Variants in GPC1 observed in about 807,000 individuals in gnomAD.
GPC1 encodes glypican 1.
Under a neutral mutation model 51.5 loss-of-function variants are expected in GPC1, and 26 were observed. That is an observed-to-expected ratio of 0.50 (90% CI 0.37 to 0.70). The LOEUF is 0.70. Ranked by LOEUF, GPC1 falls within the 30% of genes least tolerant of loss-of-function variation. The probability of loss-of-function intolerance (pLI) is 0.00; values close to 1 mark genes in which losing one functional copy is unlikely to be tolerated. For synonymous variants in GPC1, 380 were observed against 348.3 expected (o/e 1.09, Z -1.01); for missense variants, 775 against 800.5 (o/e 0.97, Z 0.38).
At chr2:240,454,502 G>T (rs2074137556) in intron 1 of GPC1, among the ~76,000 whole-genome samples, 1 of 152,242 alleles carries the variant, frequency 6.6e-6, no homozygotes, top group Non-Finnish European at 1.5e-5. Flanking sequence ...GGCCAGCCAG[G>T]AAGGCCCCGT....
rs1559203799 is a variant in GPC1, at chr2:240,464,934, GC to G, written c.1097del (p.Pro366ArgfsTer42). On this transcript the variant is annotated frameshift_variant, in exon 6 of 9. Coordinates refer to ENST00000264039, the MANE Select transcript of GPC1 (RefSeq NM_002081.3). LOFTEE classifies it high-confidence loss of function. ...GGAGAAGCGGCGCCGGGGCAAGCTG[GC>G]CCCGCGGGAGAGGCCACCTTCAGGC... ...PEEKRRRGKL[A>X]PRERPPSGTL... is the part of the protein sequence containing the mutation. 6.4e-7 allele frequency: 1 copy of G among 1,551,580 alleles called. No homozygotes were observed. The highest frequency in any genetic ancestry group is 8.7e-7 in the Non-Finnish European group (1 of 1,147,776).
rs781148609 is a variant in GPC1, at chr2:240,450,772, C to T, written c.167-8258C>T. ...CAGATTCCCCCCGACATCATTTAGACGTGTGCCTTTATTCAGTACCAGGGT... is the reference window on the plus strand; with the variant it reads ...CAGATTCCCCCCGACATCATTTAGATGTGTGCCTTTATTCAGTACCAGGGT... On this transcript the variant is annotated intron_variant, in intron 1 of 8. Coordinates refer to ENST00000264039, the MANE Select transcript of GPC1 (RefSeq NM_002081.3). 2.1e-4 allele frequency: 100 copies of T among 470,226 alleles called. 2 individuals are homozygous for T. Among genetic ancestry groups the T allele is most frequent in the South Asian group, 1.4e-3 (90 of 64,418 alleles). The allele number at this position is 470,226 out of a possible 1,614,324, so 29.1% of individuals were successfully genotyped here.
rs1228401486 is a variant in GPC1 at position 240,465,112 on chromosome 2, G to C, written c.1170G>C (p.Gln390His). 1 of 1,611,466 alleles carries C rather than the reference G, an allele frequency of 6.2e-7. No individual in the cohort carries two copies. Among genetic ancestry groups the C allele is most frequent in the East Asian group, 2.2e-5 (1 of 44,834 alleles). The change falls in exon 7 of 9, where the codon CAG becomes CAC. Residue 390 changes from glutamine to histidine, a missense_variant. Transcript: ENST00000264039. Reference sequence around the variant, plus strand: ...CCAAGGCCCAGCTCCGCGACGTCCAGGACTTCTGGATCAGCCTCCCAGGGA... The same window carrying C: ...CCAAGGCCCAGCTCCGCGACGTCCACGACTTCTGGATCAGCCTCCCAGGGA... ...SEAKAQLRDV[Q>H]DFWISLPGTL...
chr2:240,461,329 T>G (rs1018862209), intron 2 of GPC1, among the ~76,000 whole-genome samples: 1 of 152,214 alleles, frequency 6.6e-6, no homozygotes, highest in Non-Finnish European at 1.5e-5. Context: ...TCTGCCCTGC[T>G]ACCCTGGAGC....
intron 1 of GPC1, among the ~76,000 whole-genome samples, chr2:240,441,315 G>A (rs2074015281): frequency 1.3e-5 from 2 of 152,274 alleles, no homozygotes; most frequent in South Asian, 4.1e-4. Flanking sequence ...CTAGACAGGA[G>A]ACGAGCCAGG....
At chr2:240,449,469 G>A (rs1302571813) in intron 1 of GPC1, 2 of 190,946 alleles carry the variant, frequency 1.0e-5, no homozygotes, top group South Asian at 1.1e-4. Flanking sequence ...AATGTTGAGA[G>A]TAAATATGCC....
chr2:240,465,580 A>G lies in GPC1; in HGVS notation c.1376A>G (p.Gln459Arg). 6.2e-7 allele frequency: 1 copy of G among 1,613,136 alleles called. No individual in the cohort carries two copies. The highest frequency in any genetic ancestry group is 1.3e-5 in the African/African-American group (1 of 75,076). ...ATGACCATCCGGCAGCAGATCATGC[A>G]GCTGAAGATCATGACCAACCGGCTG... ...PDMTIRQQIM[Q>R]LKIMTNRLRS... Residue 459 changes from glutamine to arginine, a missense_variant, in exon 8 of 9, where the codon CAG becomes CGG. Gln to Arg is a conservative substitution (Grantham distance 43, BLOSUM62 1). Coordinates refer to ENST00000264039, the MANE Select transcript of GPC1 (RefSeq NM_002081.3).
intron 1 of GPC1, chr2:240,451,374 C>T (rs1159219044): frequency 1.7e-5 from 7 of 413,720 alleles, no homozygotes; most frequent in Admixed American, 5.3e-5. Flanking sequence ...ATCTTCCAGG[C>T]CTCCTTGGGT....
At chr2:240,458,839 C>T (rs1025906776) in intron 1 of GPC1, 191 bp from the exon 2 acceptor site, 14 of 579,592 alleles carry the variant, frequency 2.4e-5, no homozygotes, top group East Asian at 1.1e-4. Context: ...GCTACGGGAC[C>T]GAAGCCAGGC....
In GPC1 at chr2:240,450,643, G is replaced by C. The variant is rs76741509; in HGVS notation, c.167-8387G>C. The C allele has an allele frequency of 3.6e-3, 1,674 of 470,758 alleles. 33 individuals carry two copies. The highest frequency in any genetic ancestry group is 0.031 in the African/African-American group (1,538 of 50,206). 29.2% of individuals were successfully genotyped at this position (470,758 alleles called of 1,614,324 possible). On this transcript the variant is annotated intron_variant, in intron 1 of 8. Coordinates refer to ENST00000264039, the MANE Select transcript of GPC1 (RefSeq NM_002081.3). The stretch of plus-strand genomic sequence containing the variant: ...GACCTCCCATTCAGGGGCGTGCCCC[G>C]TCGAGCCCCGTGCTTCCTCTGGGGA...
At chr2:240,446,933 C>A (rs1261135196) in intron 1 of GPC1, among the ~76,000 whole-genome samples, 1 of 152,174 alleles carries the variant, frequency 6.6e-6, no homozygotes, top group Non-Finnish European at 1.5e-5. Context: ...GCATCAGAAT[C>A]CGGGGTGGAC....
At chr2:240,450,682 TGGG>T (rs563795742) in intron 1 of GPC1, 1 of 469,350 alleles carries the variant, frequency 2.1e-6, no homozygotes, top group African/African-American at 2.0e-5. Context: ...GGTGCTGGCT[TGGG>T]GGGGTGTGGC....
In GPC1 at chr2:240,448,098, G is replaced by A. The variant is rs1017836010; in HGVS notation, c.167-10932G>A. On this transcript the variant is annotated intron_variant, in intron 1 of 8. Transcript: ENST00000264039. This position sits in a 1 kb window ranked among gnomAD's most constrained non-coding sequence, Gnocchi z 4.5. ...AGGCGCTCTCGAGCCCGCCTTGAGG[G>A]TGGCAGCTGGTTTTCAGGAAGAGAG... Among the ~76,000 whole-genome samples the A allele has an allele frequency of 2.0e-5, 3 of 152,202 alleles. No individual in the cohort carries two copies. The highest frequency in any genetic ancestry group is 4.8e-5 in the African/African-American group (2 of 41,446).
chr2:240,465,957 C>A, intron 8 of GPC1, 101 bp from the exon 9 acceptor site: 1 of 692,286 alleles, frequency 1.4e-6, no homozygotes, highest in Admixed American at 2.5e-5. Context: ...GATTCCACAC[C>A]GAAAGGATGT....
At position 240,438,369 on chromosome 2, in the gene GPC1, T is replaced by A. The variant is rs146907179; in HGVS notation, c.166+2285T>A. Among the ~76,000 whole-genome samples, 925 of 152,292 alleles carry A rather than the reference T, an allele frequency of 6.1e-3. 11 individuals carry two copies. Among genetic ancestry groups the A allele is most frequent in the African/African-American group, 0.02 (844 of 41,556 alleles). On this transcript the variant is annotated intron_variant, in intron 1 of 8. Transcript: ENST00000264039. ...GGGTGACTCCCTCGGGTCGCAGCAG[T>A]CCTGGGGCAGCCAAGCCCAGTGTCC...
intron 1 of GPC1, 150 bp downstream of exon 1, chr2:240,436,234 C>A: frequency 2.2e-6 from 1 of 451,594 alleles, no homozygotes; most frequent in Non-Finnish European, 3.6e-6. Context: ...TGCGCTGCGG[C>A]TCCTCTGCAA....
intron 1 of GPC1, among the ~76,000 whole-genome samples, chr2:240,438,120 G>T (rs902650360): frequency 1.3e-5 from 2 of 152,202 alleles, no homozygotes; most frequent in African/African-American, 4.8e-5. Context: ...GTCTAACCAC[G>T]GTGCCAGCCA....
chr2:240,460,944 G>C (rs774247450), intron 2 of GPC1, among the ~76,000 whole-genome samples: 2 of 152,164 alleles, frequency 1.3e-5, no homozygotes, highest in Non-Finnish European at 2.9e-5. Context: ...GAGCCTGGCT[G>C]GACCTCTGGT....
In GPC1 at chr2:240,443,950, T is replaced by G. The variant is rs567004760; in HGVS notation, c.166+7866T>G. ...GCCCCACACTTGCTTGCCGAGTGAC[T>G]CACTCCTGCTCTGGGCCTGGCTAGC... is the stretch of plus-strand genomic sequence containing the variant. On this transcript the variant is annotated intron_variant, in intron 1 of 8. Transcript: ENST00000264039. Among the ~76,000 whole-genome samples the G allele has an allele frequency of 5.9e-5, 9 of 152,336 alleles. No homozygotes were observed. The South Asian group carries it at 1.9e-3, about 32-fold the overall frequency.
Sources: allele counts gnomAD v4.1 joint callset (sites outside exome capture counted in the v4.1 genomes callset), GRCh38; gene constraint gnomAD v4.1.1; non-coding constraint Gnocchi (gnomAD v3.1); transcripts MANE v1.5; gene names NCBI Gene and HGNC (gene_info 2026-07-23, HGNC 2026-07-21).